The following RAC1 variants were observed in gnomAD, a reference collection of about 807,000 sequenced individuals.
RAC1 encodes the protein Rac family small GTPase 1.
In RAC1, 2 loss-of-function variants were observed where a neutral mutation model predicts 25.2. That is an observed-to-expected ratio of 0.08 (90% confidence interval 0.03 to 0.25). The LOEUF (loss-of-function observed/expected upper bound fraction) is 0.25, where lower values mean the gene tolerates loss of function less well. Ranked by LOEUF, RAC1 falls within the 10% of genes least tolerant of loss-of-function variation. RAC1 has a pLI of 1.00. For missense variants in RAC1, 50 were observed against 235.7 expected, an observed-to-expected ratio of 0.21 and a Z score of 5.16; for synonymous variants, 88 against 94.0, an observed-to-expected ratio of 0.94 and a Z score of 0.37.
intron 2 of RAC1, among the ~76,000 whole-genome samples, chr7:6,391,270 C>T (rs2115200231): frequency 1.4e-5 from 2 of 143,908 alleles, no homozygotes; most frequent in African/African-American, 5.1e-5. Context: ...ACACTATTTT[C>T]TTCTAAAGCT....
At position 6,403,281 on chromosome 7, in the gene RAC1, G is replaced by A; in HGVS notation, c.*835G>A. 1 of 213,628 alleles carries A rather than the reference G, an allele frequency of 4.7e-6. No individual in the cohort carries two copies. Among genetic ancestry groups the A allele is most frequent in the Middle Eastern group, 1.5e-3 (1 of 670 alleles). The allele number at this position is 213,628 out of a possible 1,614,324, so 13.2% of individuals were successfully genotyped here. On this transcript the variant is annotated 3_prime_UTR_variant, in exon 6 of 6. Transcript: ENST00000348035. ...AAATGCAGTAGATGATGAAAGAAAG[G>A]TTGGTATTATCAGGAAATGTTTTCT... is the stretch of plus-strand genomic sequence containing the variant.
rs2115217278 is a variant in RAC1, at chr7:6,401,876, T to C, written c.297T>C (p.Pro99=). Residue 99 remains proline (P), a synonymous_variant, in exon 5 of 6, where the codon CCT becomes CCC. Transcript: ENST00000348035. ...SFENVRAKWY[P]EVRHHCPNTP... ...TCCTTCTTCACATCTAGTGGTATCC[T>C]GAGGTGCGGCACCACTGTCCCAACA... is the stretch of plus-strand genomic sequence containing the variant. The C allele has an allele frequency of 6.2e-7, 1 of 1,613,142 alleles. No individual in the cohort carries two copies. The highest frequency in any genetic ancestry group is 8.5e-7 in the Non-Finnish European group (1 of 1,179,442).
chr7:6,385,735 A>G (rs1782906923), intron 1 of RAC1, among the ~76,000 whole-genome samples: 1 of 152,196 alleles, frequency 6.6e-6, no homozygotes, highest in Non-Finnish European at 1.5e-5. Context: ...TGTGAGGGAA[A>G]ATGGAAAAGC....
At chr7:6,395,363 C>T (rs533115430) in intron 3 of RAC1, among the ~76,000 whole-genome samples, 1 of 152,282 alleles carries the variant, frequency 6.6e-6, no homozygotes, top group African/African-American at 2.4e-5. Flanking sequence ...TTTCAAAAGG[C>T]CTCAGCTTTT....
chr7:6,400,208 GTGTA>G lies in RAC1; in HGVS notation c.288+25_288+28del, dbSNP rs1562470285. On this transcript the variant is annotated intron_variant, in intron 4 of 5. Coordinates refer to ENST00000348035, the MANE Select transcript of RAC1 (RefSeq NM_006908.5). ...GCAAAGGTAGGTGGGGATTTAAAAT[GTGTA>G]TGTAAGTTATAGAATGATCCTCTCA... 1.9e-6 allele frequency: 3 copies of G among 1,567,704 alleles called. No homozygotes were observed. Among genetic ancestry groups the G allele is most frequent in the Non-Finnish European group, 2.6e-6 (3 of 1,139,480 alleles).
chr7:6,390,782 A>G (rs1043416355), intron 2 of RAC1, among the ~76,000 whole-genome samples: 6 of 152,172 alleles, frequency 3.9e-5, no homozygotes, highest in African/African-American at 1.4e-4. Context: ...GAATGAGGCA[A>G]GGACCTGATT....
At chr7:6,400,086 GGTT>G (rs1473307610) in intron 3 of RAC1, 37 bp from the exon 4 acceptor site, 1 of 1,546,680 alleles carries the variant, frequency 6.5e-7, no homozygotes, top group South Asian at 1.1e-5. Flanking sequence ...TTCATTCTAA[GGTT>G]GTTGTCTAAA....
rs1783488686 is a variant in RAC1, at chr7:6,403,825, T to C, written c.*1379T>C. On this transcript the variant is annotated 3_prime_UTR_variant, in exon 6 of 6. Transcript: ENST00000348035. ...GTACAACTTAACTCACTGGCGAGAA[T>C]ACAGCGTGGGACCCTTCAGCCACTA... The C allele has an allele frequency of 4.5e-6, 1 of 219,834 alleles. No individual in the cohort carries two copies. Among genetic ancestry groups the C allele is most frequent in the Admixed American group, 5.8e-5 (1 of 17,334 alleles). The allele number at this position is 219,834 out of a possible 1,614,324, so 13.6% of individuals were successfully genotyped here. A position where few individuals can be genotyped will look rare whatever the true frequency, so the allele number is the denominator to read the frequency against.
intron 2 of RAC1, among the ~76,000 whole-genome samples, chr7:6,389,653 C>T (rs1052498271): frequency 1.3e-5 from 2 of 152,028 alleles, no homozygotes; most frequent in African/African-American, 4.8e-5. Context: ...GCACTCCAGC[C>T]TGGGCAACAG....
intron 2 of RAC1, among the ~76,000 whole-genome samples, chr7:6,389,087 A>G (rs1783007876): frequency 1.3e-5 from 2 of 151,982 alleles, no homozygotes; most frequent in Non-Finnish European, 2.9e-5. Context: ...CTGTAGTCCC[A>G]GCTACTCAGG....
At chr7:6,388,455 C>T (rs549059842) in intron 2 of RAC1, among the ~76,000 whole-genome samples, 1 of 147,562 alleles carries the variant, frequency 6.8e-6, no homozygotes, top group African/African-American at 2.5e-5. Context: ...AAGTGATTCT[C>T]TGCCTCAGCC....
rs1428976751 is a variant in RAC1, at chr7:6,403,180, G to A, written c.*734G>A. The A allele has an allele frequency of 3.2e-5, 7 of 221,224 alleles. No individual in the cohort carries two copies. Among genetic ancestry groups the A allele is most frequent in the East Asian group, 6.6e-5 (1 of 15,080 alleles). The allele number at this position is 221,224 out of a possible 1,614,324, so 13.7% of individuals were successfully genotyped here. A position where few individuals can be genotyped will look rare whatever the true frequency, so the allele number is the denominator to read the frequency against. On this transcript the variant is annotated 3_prime_UTR_variant, in exon 6 of 6. Coordinates refer to ENST00000348035, the MANE Select transcript of RAC1 (RefSeq NM_006908.5). ...CAAAGACAGTATTTTGACAAAATAC[G>A]AAGTGGAGATTTACACTACATTGTA...
Position 6,403,822 on chromosome 7 carries a change from G to T in RAC1, c.*1376G>T, listed in dbSNP as rs188629172. ...TCTGTACAACTTAACTCACTGGCGA[G>T]AATACAGCGTGGGACCCTTCAGCCA... On this transcript the variant is annotated 3_prime_UTR_variant, in exon 6 of 6. Coordinates refer to ENST00000348035, the MANE Select transcript of RAC1 (RefSeq NM_006908.5). The T allele has an allele frequency of 2.7e-5, 6 of 219,990 alleles. No individual in the cohort carries two copies. In the Admixed American group the frequency reaches 3.5e-4, roughly 13 times the overall value. 13.6% of individuals were successfully genotyped at this position (219,990 alleles called of 1,614,324 possible).
chr7:6,387,313 T>C, intron 2 of RAC1, 30 bp downstream of exon 2: 1 of 1,418,998 alleles, frequency 7.0e-7, no homozygotes, highest in South Asian at 1.2e-5. Context: ...AATTAACCTG[T>C]TTGTGTTACG....
rs1000484522 is a variant in RAC1 at position 6,399,294 on chromosome 7, G to A, written c.226-832G>A. ...CAAGGTATCAGCTGGAGGGTTGAAA[G>A]TGTAGCTTGGGAATTGTGTGCATTT... On this transcript the variant is annotated intron_variant, in intron 3 of 5. Transcript: ENST00000348035. Among the ~76,000 whole-genome samples, 18 of 152,340 alleles carry A rather than the reference G, an allele frequency of 1.2e-4. No individual in the cohort carries two copies. In the South Asian group the frequency reaches 1.4e-3, roughly 12 times the overall value.
intron 1 of RAC1, among the ~76,000 whole-genome samples, chr7:6,384,780 A>G (rs1782875815): frequency 6.6e-6 from 1 of 151,226 alleles, no homozygotes; most frequent in African/African-American, 2.4e-5. Flanking sequence ...AAGCCACTGC[A>G]CCAGGCTTTT....
rs77338114 is a variant in RAC1, at chr7:6,386,855, G to C, written c.36-357G>C. ...CTTCAGGATCAAACTTAAGATTCTT[G>C]ATGAGAGGCTCTACAGATGTTCACA... On this transcript the variant is annotated intron_variant, in intron 1 of 5. Transcript: ENST00000348035. 2.7e-3 allele frequency among the ~76,000 whole-genome samples: 415 copies of C among 151,654 alleles called. 18 individuals are homozygous for C. In the East Asian group the frequency reaches 0.059, roughly 22 times the overall value.
intron 2 of RAC1, among the ~76,000 whole-genome samples, chr7:6,390,944 C>T (rs1413467168): frequency 6.6e-6 from 1 of 152,166 alleles, no homozygotes; most frequent in African/African-American, 2.4e-5. Context: ...GTTGCCCAGG[C>T]CGGAGTGCAG....
At position 6,381,714 on chromosome 7, in the gene RAC1, A is replaced by G. The variant is rs36081947; in HGVS notation, c.36-5498A>G. 3.0e-3 allele frequency among the ~76,000 whole-genome samples: 455 copies of G among 152,176 alleles called. 4 individuals are homozygous for G. The highest frequency in any genetic ancestry group is 0.015 in the South Asian group (74 of 4,822). On this transcript the variant is annotated intron_variant, in intron 1 of 5. Transcript: ENST00000348035. ...CTGGCTTATGGCTAGCTTTCTTTACATTGATTGTGAAGTCAGATATTGGTA... is the reference window on the plus strand; with the variant it reads ...CTGGCTTATGGCTAGCTTTCTTTACGTTGATTGTGAAGTCAGATATTGGTA...
Sources: allele counts gnomAD v4.1 joint callset (sites outside exome capture counted in the v4.1 genomes callset), GRCh38; gene constraint gnomAD v4.1.1; transcripts MANE v1.5; gene names NCBI Gene and HGNC (gene_info 2026-07-23, HGNC 2026-07-21).